The following NTM variants were observed in gnomAD, a reference collection of about 807,000 sequenced individuals.
NTM encodes the protein neurotrimin.
A neutral mutation model predicts 42.1 loss-of-function variants in NTM; 13 were observed. The ratio of observed to expected loss-of-function variants is 0.31; its 90% CI spans 0.20 to 0.49. NTM has a LOEUF of 0.49. Ranked by LOEUF, NTM falls within the 20% of genes least tolerant of loss-of-function variation. The pLI, the probability that NTM is intolerant of heterozygous loss-of-function variation, is 0.99. For synonymous variants in NTM, 187 were observed against 179.2 expected, an observed-to-expected ratio of 1.04 and a Z score of -0.35; for missense variants, 373 against 452.8, an observed-to-expected ratio of 0.82 and a Z score of 1.60.
At chr11:131,462,497 A>T (rs896691031) in intron 1 of NTM, among the ~76,000 whole-genome samples, 2 of 152,248 alleles carry the variant, frequency 1.3e-5, no homozygotes, top group Non-Finnish European at 2.9e-5. Flanking sequence ...TATAAGAAGG[A>T]AGGATGCAAA....
At chr11:131,647,345 G>A (rs2065891770) in intron 1 of NTM, among the ~76,000 whole-genome samples, 1 of 152,238 alleles carries the variant, frequency 6.6e-6, no homozygotes, top group African/African-American at 2.4e-5. Context: ...GGTGATTAAA[G>A]AGTGCCAGGC....
At chr11:131,418,193 C>T (rs760408942) in intron 1 of NTM, among the ~76,000 whole-genome samples, 2 of 152,122 alleles carry the variant, frequency 1.3e-5, no homozygotes, top group South Asian at 2.1e-4. Flanking sequence ...TGATAGAGAC[C>T]TTTAAATGTC....
At chr11:131,765,767 C>A (rs2135856579) in intron 1 of NTM, among the ~76,000 whole-genome samples, 1 of 152,290 alleles carries the variant, frequency 6.6e-6, no homozygotes, top group Non-Finnish European at 1.5e-5. Context: ...GAAACATTTG[C>A]TCATGTCAAT....
intron 3 of NTM, among the ~76,000 whole-genome samples, chr11:132,157,442 C>T (rs995288145): frequency 1.3e-5 from 2 of 152,140 alleles, no homozygotes; most frequent in Non-Finnish European, 2.9e-5. Flanking sequence ...ATCCACATTT[C>T]AAAACTAAGA....
intron 2 of NTM, among the ~76,000 whole-genome samples, chr11:132,080,073 G>A (rs939706826): frequency 6.6e-6 from 1 of 152,162 alleles, no homozygotes; most frequent in Admixed American, 6.5e-5. Context: ...TAAATGTGAA[G>A]AGTTTCTGCA....
intron 1 of NTM, among the ~76,000 whole-genome samples, chr11:131,481,285 G>C (rs1565547190): frequency 6.6e-6 from 1 of 152,206 alleles, no homozygotes; most frequent in South Asian, 2.1e-4. Flanking sequence ...AAAAGTCCTA[G>C]AAGATCCCCT....
chr11:132,029,319 T>A (rs375057829), intron 2 of NTM, among the ~76,000 whole-genome samples: 1 of 151,642 alleles, frequency 6.6e-6, no homozygotes, highest in African/African-American at 2.4e-5. Context: ...TAGTTATATC[T>A]CCTAAAGCTA....
At chr11:131,515,763 G>C (rs781382748) in intron 1 of NTM, among the ~76,000 whole-genome samples, 20 of 152,190 alleles carry the variant, frequency 1.3e-4, no homozygotes, top group Non-Finnish European at 2.8e-4. Context: ...GCTGCATCAG[G>C]TGTTTAAGTG....
At chr11:132,073,067 G>A (rs2057910573) in intron 2 of NTM, among the ~76,000 whole-genome samples, 1 of 152,182 alleles carries the variant, frequency 6.6e-6, no homozygotes, top group South Asian at 2.1e-4. Flanking sequence ...TCAGCTTGGA[G>A]ATGTGCTAGC....
chr11:131,388,398 A>G (rs1232323769), intron 1 of NTM, among the ~76,000 whole-genome samples: 1 of 151,550 alleles, frequency 6.6e-6, no homozygotes, highest in Non-Finnish European at 1.5e-5. Context: ...AGCACATACT[A>G]ATACTAAAAG....
chr11:132,310,318 CG>C (rs1276953369), intron 6 of NTM, 86 bp downstream of exon 6: 1 of 1,366,790 alleles, frequency 7.3e-7, no homozygotes, highest in Non-Finnish European at 9.8e-7. Context: ...TTGTTGCAAA[CG>C]AGTTCTATAA....
In NTM at chr11:131,561,778, C is replaced by A. The variant is rs79139254; in HGVS notation, c.82+190890C>A. On this transcript the variant is annotated intron_variant, in intron 1 of 8. Transcript: ENST00000683400. Reference sequence around the variant, plus strand: ...CTGGCCCGAGAAAGCCTCATTCCTTCGGCCTTCATCATCATCCTTCTTCTT... The same window carrying A: ...CTGGCCCGAGAAAGCCTCATTCCTTAGGCCTTCATCATCATCCTTCTTCTT... Among the ~76,000 whole-genome samples, 21 of 152,294 alleles carry A rather than the reference C, an allele frequency of 1.4e-4. No homozygotes were observed. In the East Asian group the frequency reaches 4.1e-3, roughly 29 times the overall value.
intron 4 of NTM, among the ~76,000 whole-genome samples, chr11:132,292,191 C>T (rs184626370): frequency 1.2e-3 from 183 of 152,006 alleles, no homozygotes; most frequent in Admixed American, 2.6e-3. Flanking sequence ...TTTTTGATAG[C>T]GGGAAGGGAA....
At chr11:131,664,002 A>T (rs2068551745) in intron 1 of NTM, among the ~76,000 whole-genome samples, 1 of 152,232 alleles carries the variant, frequency 6.6e-6, no homozygotes, top group East Asian at 1.9e-4. Flanking sequence ...TCTATCCCAA[A>T]AGAGCAGAAG....
chr11:131,607,257 G>C (rs575431635), intron 1 of NTM, among the ~76,000 whole-genome samples: 2 of 152,308 alleles, frequency 1.3e-5, no homozygotes, highest in South Asian at 4.1e-4. Flanking sequence ...GCCTGAAGCT[G>C]CTGGCCTTCT....
Position 131,636,380 on chromosome 11 carries a change from C to T in NTM, c.82+265492C>T, listed in dbSNP as rs149053091. Among the ~76,000 whole-genome samples, 7 of 152,296 alleles carry T rather than the reference C, an allele frequency of 4.6e-5. No individual in the cohort carries two copies. The East Asian group carries it at 1.2e-3, about 25-fold the overall frequency. On this transcript the variant is annotated intron_variant, in intron 1 of 8. Transcript: ENST00000683400. The stretch of plus-strand genomic sequence containing the variant: ...CCACAAATACCAAAATTCAAGGCTA[C>T]TCAGGCCCAGCGTTCCTCCCTGCGG...
intron 1 of NTM, among the ~76,000 whole-genome samples, chr11:131,901,062 T>C (rs576479874): frequency 2.0e-5 from 3 of 152,344 alleles, no homozygotes; most frequent in Non-Finnish European, 4.4e-5. Flanking sequence ...GAATAATCAG[T>C]AGCAACCATT....
intron 2 of NTM, among the ~76,000 whole-genome samples, chr11:132,049,881 G>A (rs2078606835): frequency 6.6e-6 from 1 of 152,136 alleles, no homozygotes; most frequent in Non-Finnish European, 1.5e-5. Flanking sequence ...GAAAACTGAT[G>A]TCTCATTTTT....
rs142569513 is a variant in NTM at position 132,090,981 on chromosome 11, C to T, written c.168-55301C>T. Among the ~76,000 whole-genome samples the T allele has an allele frequency of 4.1e-3, 620 of 152,270 alleles. 10 individuals are homozygous for T. Among genetic ancestry groups the T allele is most frequent in the African/African-American group, 0.014 (568 of 41,540 alleles). On this transcript the variant is annotated intron_variant, in intron 2 of 8. Coordinates refer to ENST00000683400, the MANE Select transcript of NTM (RefSeq NM_001352005.2). ...TTTCTATTCCTCCCATTCTCTATAG[C>T]GGCTATTTCCAATTTTCTCCATTCC...
Sources: gnomAD v4.1 joint callset for allele counts (sites outside exome capture counted in the v4.1 genomes callset) on GRCh38, gnomAD v4.1.1 for gene constraint, MANE v1.5 for transcripts, NCBI Gene and HGNC (gene_info 2026-07-23, HGNC 2026-07-21) for gene names.